Variants in CMSS1 observed in about 807,000 individuals in gnomAD.
CMSS1 encodes the protein cms1 ribosomal small subunit homolog.
CMSS1 carries 33 observed loss-of-function variants against 43.5 expected under a neutral mutation model. The ratio of observed to expected loss-of-function variants is 0.76; its 90% CI spans 0.57 to 1.01. The LOEUF (loss-of-function observed/expected upper bound fraction) is 1.01. Among genes scored for constraint, CMSS1 ranks in the 50% least tolerant of loss-of-function variants. The pLI is 0.00. For missense variants in CMSS1, 313 were observed against 326.4 expected (o/e 0.96, Z 0.32); for synonymous variants, 115 against 117.2 (o/e 0.98, Z 0.12).
chr3:99,993,751 A>T (rs1559717981), intron 1 of CMSS1, among the ~76,000 whole-genome samples: 1 of 152,138 alleles, frequency 6.6e-6, no homozygotes, highest in East Asian at 1.9e-4. Context: ...TTTGTCCTTA[A>T]TTCTGTTGAT....
rs148412177 is a variant in CMSS1 at position 100,002,538 on chromosome 3, G to A, written c.65-144435G>A. 2.2e-4 allele frequency among the ~76,000 whole-genome samples: 34 copies of A among 152,288 alleles called. No homozygotes were observed. The East Asian group carries it at 6.0e-3, about 27-fold the overall frequency. On this transcript the variant is annotated intron_variant, in intron 1 of 9. Transcript: ENST00000421999. ...AGTAATTCCGAGTAGGATGGAAGTA[G>A]CCTAAAATTTGAGTGACCTAGATAG...
At chr3:100,033,776 A>G (rs1196218930) in intron 1 of CMSS1, among the ~76,000 whole-genome samples, 1 of 152,146 alleles carries the variant, frequency 6.6e-6, no homozygotes, top group African/African-American at 2.4e-5. Flanking sequence ...GCTCCTCTAA[A>G]TTTTATTCTT....
At chr3:99,819,757 CTTTT>C (rs551286788) in intron 1 of CMSS1, among the ~76,000 whole-genome samples, 3 of 136,038 alleles carry the variant, frequency 2.2e-5, no homozygotes, top group African/African-American at 5.4e-5. Context: ...TTTTTTTTTT[CTTTT>C]TTTTTTTTTT....
chr3:99,929,639 G>A (rs1707411771), intron 1 of CMSS1, among the ~76,000 whole-genome samples: 1 of 151,980 alleles, frequency 6.6e-6, no homozygotes, highest in South Asian at 2.1e-4. Flanking sequence ...GGTAGATTTT[G>A]GTTGATTCAA....
chr3:100,121,795 C>T (rs1011314451), intron 1 of CMSS1, among the ~76,000 whole-genome samples: 12 of 152,142 alleles, frequency 7.9e-5, no homozygotes, highest in African/African-American at 2.9e-4. Flanking sequence ...CTGGTGTCAC[C>T]TCAATACATG....
intron 1 of CMSS1, chr3:99,924,440 A>G (rs375826520): frequency 6.3e-7 from 1 of 1,591,698 alleles, no homozygotes; most frequent in African/African-American, 1.3e-5. Flanking sequence ...GCCTGTTACC[A>G]AATTGTTTAT....
At chr3:99,965,336 T>C (rs1276714638) in intron 1 of CMSS1, among the ~76,000 whole-genome samples, 2 of 152,220 alleles carry the variant, frequency 1.3e-5, no homozygotes, top group Non-Finnish European at 2.9e-5. Flanking sequence ...CCTGTGTTCT[T>C]ACTGGTGCAG....
chr3:100,018,100 G>T (rs1190438763), intron 1 of CMSS1, among the ~76,000 whole-genome samples: 1 of 152,124 alleles, frequency 6.6e-6, no homozygotes, highest in Admixed American at 6.5e-5. Flanking sequence ...AGGCCGAGGC[G>T]GGCAGATCAC....
chr3:99,896,132 G>C (rs1706244333), intron 1 of CMSS1, among the ~76,000 whole-genome samples: 1 of 152,164 alleles, frequency 6.6e-6, no homozygotes, highest in Non-Finnish European at 1.5e-5. Context: ...AGGGAAAACA[G>C]AAGTGTGAAT....
intron 1 of CMSS1, among the ~76,000 whole-genome samples, chr3:99,917,064 G>A (rs1462268305): frequency 6.6e-6 from 1 of 152,134 alleles, no homozygotes; most frequent in East Asian, 1.9e-4. Context: ...GAAGTTTGAG[G>A]TTGCCTTTCC....
intron 1 of CMSS1, among the ~76,000 whole-genome samples, chr3:100,111,246 C>G (rs1310708823): frequency 1.3e-5 from 2 of 152,092 alleles, no homozygotes; most frequent in East Asian, 3.9e-4. Flanking sequence ...TTTCCTCTAC[C>G]TGCATGTTTT....
rs1456102944 is a variant in CMSS1, at chr3:100,061,448, C to T, written c.65-85525C>T. ...GGTTATTCCAGGGTGTTAATTTTCC[C>T]AGGCCCTTGTTTTACTTTCTTTCTC... On this transcript the variant is annotated intron_variant, in intron 1 of 9. Coordinates refer to ENST00000421999, the MANE Select transcript of CMSS1 (RefSeq NM_032359.4). Among the ~76,000 whole-genome samples, 6 of 152,176 alleles carry T rather than the reference C, an allele frequency of 3.9e-5. No individual in the cohort carries two copies. In the East Asian group the frequency reaches 7.7e-4, roughly 20 times the overall value.
chr3:99,929,668 G>T (rs570991478), intron 1 of CMSS1, among the ~76,000 whole-genome samples: 1 of 152,260 alleles, frequency 6.6e-6, no homozygotes, highest in Admixed American at 6.5e-5. Flanking sequence ...CCTAGTGGAC[G>T]CATCCTGTCT....
At chr3:100,099,757 T>C (rs2066273064) in intron 1 of CMSS1, among the ~76,000 whole-genome samples, 1 of 152,310 alleles carries the variant, frequency 6.6e-6, no homozygotes, top group African/African-American at 2.4e-5. Flanking sequence ...TCATAAGATA[T>C]GTTCTGTAGC....
chr3:100,075,785 G>A (rs1207795835), intron 1 of CMSS1, among the ~76,000 whole-genome samples: 1 of 152,100 alleles, frequency 6.6e-6, no homozygotes, highest in Non-Finnish European at 1.5e-5. Context: ...CTGAAACCAG[G>A]ACCTATTGAT....
chr3:100,180,277 C>T lies in CMSS1; in HGVS notation c.*1889C>T, dbSNP rs755955286. On this transcript the variant is annotated 3_prime_UTR_variant, in exon 10 of 10. Transcript: ENST00000421999. ...TAACATTTGGCTCCTCTTGTGCAAA[C>T]TTCTGCAGTGAGCTTGAATTTCTCC... 2 of 152,232 alleles carry T rather than the reference C, an allele frequency of 1.3e-5. No individual in the cohort carries two copies. Among genetic ancestry groups the T allele is most frequent in the African/African-American group, 4.8e-5 (2 of 41,464 alleles). The allele number at this position is 152,232 out of a possible 1,614,324, so 9.4% of individuals were successfully genotyped here.
chr3:99,921,447 T>C (rs928977674), intron 1 of CMSS1, among the ~76,000 whole-genome samples: 1 of 152,134 alleles, frequency 6.6e-6, no homozygotes. Context: ...TGGACGTGAA[T>C]GGGCCCACAC....
At chr3:99,920,899 A>G (rs1019166620) in intron 1 of CMSS1, among the ~76,000 whole-genome samples, 1 of 152,210 alleles carries the variant, frequency 6.6e-6, no homozygotes, top group African/African-American at 2.4e-5. Context: ...TTTTATTTCC[A>G]GGTAGATACA....
At chr3:100,051,986 G>A (rs2065382368) in intron 1 of CMSS1, among the ~76,000 whole-genome samples, 1 of 150,330 alleles carries the variant, frequency 6.7e-6, no homozygotes, top group Non-Finnish European at 1.5e-5. Context: ...AAATATAAAT[G>A]TGATAAATAT....
Sources: gnomAD v4.1 joint callset for allele counts (sites outside exome capture counted in the v4.1 genomes callset) on GRCh38, gnomAD v4.1.1 for gene constraint, MANE v1.5 for transcripts, NCBI Gene and HGNC (gene_info 2026-07-23, HGNC 2026-07-21) for gene names.